FUT9: variants seen among roughly 807,000 people sequenced by gnomAD.
The protein encoded by FUT9 is fucosyltransferase 9, also known as 4-galactosyl-N-acetylglucosaminide 3-alpha-L-fucosyltransferase 9.
Under a neutral mutation model 29.7 loss-of-function variants are expected in FUT9, and 15 were observed. That is an observed-to-expected ratio of 0.51 (90% CI 0.34 to 0.78). The LOEUF is 0.78. Ranked by LOEUF, FUT9 falls within the 30% of genes least tolerant of loss-of-function variation. The probability of loss-of-function intolerance (pLI) is 0.01; values close to 1 mark genes in which losing one functional copy is unlikely to be tolerated. For synonymous variants in FUT9, 169 were observed against 153.7 expected (o/e 1.10, Z -0.74); for missense variants, 319 against 425.4 (o/e 0.75, Z 2.20).
chr6:96,119,795 C>G (rs150306299), intron 2 of FUT9, among the ~76,000 whole-genome samples: 79 of 152,244 alleles, frequency 5.2e-4, no homozygotes, highest in African/African-American at 1.7e-3. Flanking sequence ...ATCAATAAAT[C>G]AAGCTTTCTC....
At chr6:96,153,451 C>G (rs1167132906) in intron 2 of FUT9, among the ~76,000 whole-genome samples, 1 of 152,192 alleles carries the variant, frequency 6.6e-6, no homozygotes, top group Non-Finnish European at 1.5e-5. Context: ...GTGCAGGATT[C>G]TCTTGAGTAG....
At chr6:96,184,662 G>A (rs79477935) in intron 2 of FUT9, among the ~76,000 whole-genome samples, 1,546 of 152,004 alleles carry the variant, frequency 0.01, 26 homozygotes, top group African/African-American at 0.029. Context: ...CACTATTGTC[G>A]TTCAGTTCAA....
At chr6:96,143,012 C>T (rs916086006) in intron 2 of FUT9, among the ~76,000 whole-genome samples, 2 of 152,116 alleles carry the variant, frequency 1.3e-5, no homozygotes, top group Non-Finnish European at 2.9e-5. Context: ...ATTTTGTCTA[C>T]ATTTCAGAAA....
chr6:96,114,552 T>C (rs1024454878), intron 2 of FUT9, among the ~76,000 whole-genome samples: 1 of 151,426 alleles, frequency 6.6e-6, no homozygotes, highest in Non-Finnish European at 1.5e-5. Flanking sequence ...GAAAATGGGT[T>C]TTAATTTGGG....
At chr6:96,094,971 G>A (rs1187007330) in intron 1 of FUT9, among the ~76,000 whole-genome samples, 1 of 152,050 alleles carries the variant, frequency 6.6e-6, no homozygotes, top group Non-Finnish European at 1.5e-5. Context: ...GGTACCCAAA[G>A]TGTAGCACAA....
intron 2 of FUT9, among the ~76,000 whole-genome samples, chr6:96,118,063 G>T (rs769719212): frequency 6.6e-6 from 1 of 151,940 alleles, no homozygotes; most frequent in Non-Finnish European, 1.5e-5. Flanking sequence ...AAAATCAGCT[G>T]GTGTGGTGGT....
At chr6:96,025,234 G>T (rs960816167) in intron 1 of FUT9, among the ~76,000 whole-genome samples, 7 of 151,736 alleles carry the variant, frequency 4.6e-5, no homozygotes, top group Admixed American at 6.6e-5. Flanking sequence ...TTACAGTGCT[G>T]CAGGTCTGAG....
Position 96,138,422 on chromosome 6 carries a change from A to G in FUT9, c.-9+24295A>G, listed in dbSNP as rs1345306605. On this transcript the variant is annotated intron_variant, in intron 2 of 2. Transcript: ENST00000302103. The stretch of plus-strand genomic sequence containing the variant: ...GACAAAGAAAAATTATGGCTTTCCA[A>G]AAAAGGATATGTGCAGGAATATTCT... 3.3e-5 allele frequency among the ~76,000 whole-genome samples: 5 copies of G among 152,024 alleles called. No individual in the cohort carries two copies. The South Asian group carries it at 8.3e-4, about 25-fold the overall frequency.
Position 96,212,058 on chromosome 6 carries a change from A to T in FUT9, c.*7823A>T, listed in dbSNP as rs1210924149. On this transcript the variant is annotated 3_prime_UTR_variant, in exon 3 of 3. Transcript: ENST00000302103. ...ATGCTAACTTTCCACACATGGCTGC[A>T]TTCCATTTTGATTAATGAGGGTTCA... The T allele has an allele frequency of 4.9e-6, 2 of 412,318 alleles. No individual in the cohort carries two copies. The highest frequency in any genetic ancestry group is 4.1e-5 in the African/African-American group (2 of 48,596). The allele number at this position is 412,318 out of a possible 1,614,324, so 25.5% of individuals were successfully genotyped here.
intron 1 of FUT9, among the ~76,000 whole-genome samples, chr6:96,057,132 A>G (rs1020056167): frequency 2.0e-5 from 3 of 152,240 alleles, no homozygotes; most frequent in African/African-American, 7.2e-5. Flanking sequence ...CAATTTATAA[A>G]GGGTTTATTG....
intron 1 of FUT9, among the ~76,000 whole-genome samples, chr6:96,065,368 A>G (rs1349884484): frequency 3.3e-5 from 5 of 152,080 alleles, no homozygotes; most frequent in Admixed American, 3.3e-4. Flanking sequence ...CTCTCCTTGC[A>G]TGCTCTGAGA....
chr6:96,050,617 C>T (rs1324199155), intron 1 of FUT9, among the ~76,000 whole-genome samples: 1 of 152,164 alleles, frequency 6.6e-6, no homozygotes, highest in African/African-American at 2.4e-5. Context: ...CTGAACTAAT[C>T]TCAATGGGAC....
Position 96,060,542 on chromosome 6 carries a change from TC to T in FUT9, c.-98+44331del, listed in dbSNP as rs199541278. On this transcript the variant is annotated intron_variant, in intron 1 of 2. Transcript: ENST00000302103. ...GCATAACTTTTTTCTTTTCTCTCTCTCTTTTTTTTTTTGACATGGAGTCTCT... is the reference window on the plus strand; with the variant it reads ...GCATAACTTTTTTCTTTTCTCTCTCTTTTTTTTTTTTGACATGGAGTCTCT... 2.4e-3 allele frequency among the ~76,000 whole-genome samples: 352 copies of T among 146,988 alleles called. 3 individuals are homozygous for T. Among genetic ancestry groups the T allele is most frequent in the African/African-American group, 5.4e-3 (214 of 39,764 alleles).
At chr6:96,188,491 T>TA (rs1773444498) in intron 2 of FUT9, among the ~76,000 whole-genome samples, 1 of 152,092 alleles carries the variant, frequency 6.6e-6, no homozygotes, top group Non-Finnish European at 1.5e-5. Context: ...GCAATACGTG[T>TA]GACCTGAGGC....
chr6:96,154,274 T>A (rs1444897895), intron 2 of FUT9, among the ~76,000 whole-genome samples: 1 of 152,216 alleles, frequency 6.6e-6, no homozygotes, highest in Non-Finnish European at 1.5e-5. Context: ...CAAATGGTGA[T>A]CTGTTAATGC....
intron 2 of FUT9, among the ~76,000 whole-genome samples, chr6:96,171,508 G>A (rs1435628805): frequency 6.6e-6 from 1 of 150,484 alleles, no homozygotes. Flanking sequence ...CACAATAGTT[G>A]TCTGAGACGC....
At chr6:96,052,848 G>A (rs1038122309) in intron 1 of FUT9, among the ~76,000 whole-genome samples, 1 of 152,174 alleles carries the variant, frequency 6.6e-6, no homozygotes, top group African/African-American at 2.4e-5. Context: ...TGAAGGTGGT[G>A]TGGAGAGAAG....
chr6:96,072,693 A>T (rs1204318377), intron 1 of FUT9, among the ~76,000 whole-genome samples: 3 of 152,202 alleles, frequency 2.0e-5, no homozygotes, highest in Non-Finnish European at 4.4e-5. Flanking sequence ...TATCTGAATA[A>T]TGAAGTTCAC....
chr6:96,178,142 G>A (rs923650871), intron 2 of FUT9, among the ~76,000 whole-genome samples: 18 of 152,106 alleles, frequency 1.2e-4, no homozygotes, highest in African/African-American at 4.1e-4. Flanking sequence ...TTGGAAGCAG[G>A]AAAAAGATAG....
Sources: gnomAD v4.1 joint callset for allele counts (sites outside exome capture counted in the v4.1 genomes callset) on GRCh38, gnomAD v4.1.1 for gene constraint, MANE v1.5 for transcripts, NCBI Gene and HGNC (gene_info 2026-07-23, HGNC 2026-07-21) for gene names.